RIMS1: variants seen among roughly 807,000 people sequenced by gnomAD.
RIMS1 encodes the protein regulating synaptic membrane exocytosis 1.
Under a neutral mutation model 214.1 loss-of-function variants are expected in RIMS1, and 83 were observed. That is an observed-to-expected ratio of 0.39 (90% CI 0.32 to 0.47). The LOEUF is 0.47. Ranked by LOEUF, RIMS1 falls within the 20% of genes least tolerant of loss-of-function variation. RIMS1 has a pLI of 0.99. For missense variants in RIMS1, 2,050 were observed against 2,161.8 expected (o/e 0.95, Z 1.03); for synonymous variants, 793 against 786.8 (o/e 1.01, Z -0.13).
At chr6:72,127,863 G>A (rs140254489) in intron 4 of RIMS1, among the ~76,000 whole-genome samples, 162 of 152,218 alleles carry the variant, frequency 1.1e-3, no homozygotes, top group Non-Finnish European at 1.2e-3. Context: ...TAAATCTTAC[G>A]CTTACATACA....
chr6:71,955,367 A>G (rs1405357011), intron 1 of RIMS1, among the ~76,000 whole-genome samples: 1 of 152,100 alleles, frequency 6.6e-6, no homozygotes, highest in Admixed American at 6.6e-5. Flanking sequence ...GGGTTTCACC[A>G]TCTTGGCCAG....
chr6:72,270,488 T>TAAA (rs1423899563), intron 22 of RIMS1, among the ~76,000 whole-genome samples: 1 of 152,134 alleles, frequency 6.6e-6, no homozygotes, highest in Non-Finnish European at 1.5e-5. Flanking sequence ...TTTAGGGGCT[T>TAAA]AAAAAACACC....
chr6:72,083,903 C>T (rs1834018526), intron 2 of RIMS1, among the ~76,000 whole-genome samples: 1 of 152,116 alleles, frequency 6.6e-6, no homozygotes, highest in South Asian at 2.1e-4. Flanking sequence ...CACACTTATG[C>T]CTGAACTATT....
chr6:72,399,288 A>G (rs2154458809), intron 33 of RIMS1, among the ~76,000 whole-genome samples, 194 bp downstream of exon 33: 1 of 151,982 alleles, frequency 6.6e-6, no homozygotes, highest in South Asian at 2.1e-4. Context: ...TGGGTCTAAT[A>G]GAGAACAATT....
At chr6:72,261,805 A>G (rs1056605860) in intron 19 of RIMS1, 2 of 985,132 alleles carry the variant, frequency 2.0e-6, no homozygotes, top group African/African-American at 3.5e-5. Flanking sequence ...TATACTACTC[A>G]TAACTACTGC....
intron 12 of RIMS1, among the ~76,000 whole-genome samples, chr6:72,248,539 T>C (rs1463966609): frequency 6.6e-6 from 1 of 152,190 alleles, no homozygotes; most frequent in African/African-American, 2.4e-5. Context: ...TCCTAAGGCA[T>C]TTGGCAAAAC....
rs144404882 is a variant in RIMS1, at chr6:72,102,943, A to T, written c.471+2957A>T. Reference sequence around the variant, plus strand: ...CATATGATCCTAATTTACAACCTTCAGTCTTTTGAAAAAGTGATTATAAGA... The same window carrying T: ...CATATGATCCTAATTTACAACCTTCTGTCTTTTGAAAAAGTGATTATAAGA... On this transcript the variant is annotated intron_variant, in intron 4 of 33. Transcript: ENST00000521978. 1.2e-3 allele frequency among the ~76,000 whole-genome samples: 178 copies of T among 152,220 alleles called. 1 individual carries two copies. The East Asian group carries it at 0.026, about 22-fold the overall frequency.
intron 2 of RIMS1, among the ~76,000 whole-genome samples, chr6:72,017,019 G>A (rs1017215424): frequency 2.6e-5 from 4 of 152,128 alleles, no homozygotes; most frequent in African/African-American, 9.7e-5. Flanking sequence ...GCTGAGTTCA[G>A]TCCATTAAAT....
intron 4 of RIMS1, among the ~76,000 whole-genome samples, chr6:72,103,497 C>A (rs2034083237): frequency 6.6e-6 from 1 of 151,932 alleles, no homozygotes; most frequent in Non-Finnish European, 1.5e-5. Context: ...TTTTTCAAAT[C>A]AGTATTAAAT....
At position 72,162,177 on chromosome 6, in the gene RIMS1, A is replaced by G. The variant is rs1429697030; in HGVS notation, c.472-17398A>G. Among the ~76,000 whole-genome samples, 3 of 140,232 alleles carry G rather than the reference A, an allele frequency of 2.1e-5. 1 individual carries two copies. The highest frequency in any genetic ancestry group is 4.9e-5 in the Non-Finnish European group (3 of 61,742). The allele number at this position is 140,232 out of a possible 152,430, so 92.0% of individuals were successfully genotyped here. ...TGTCTCTTTTGATCTTTGTTGGTGG[A>G]AAGTCTGTTTTATCAGAGACCAGGA... is the stretch of plus-strand genomic sequence containing the variant. On this transcript the variant is annotated intron_variant, in intron 4 of 33. Coordinates refer to ENST00000521978, the MANE Select transcript of RIMS1 (RefSeq NM_014989.7).
At chr6:72,221,961 A>G (rs951974835) in intron 6 of RIMS1, among the ~76,000 whole-genome samples, 6 of 152,178 alleles carry the variant, frequency 3.9e-5, no homozygotes, top group South Asian at 2.1e-4. Context: ...TCAGTCTTCA[A>G]TGTGCACATT....
intron 4 of RIMS1, among the ~76,000 whole-genome samples, chr6:72,124,207 G>T (rs148777838): frequency 1.5e-4 from 23 of 151,836 alleles, no homozygotes; most frequent in African/African-American, 5.1e-4. Flanking sequence ...GTCTGTAAAG[G>T]ATTTTATTTC....
At chr6:72,300,155 A>G (rs764255121) in intron 26 of RIMS1, among the ~76,000 whole-genome samples, 1 of 151,782 alleles carries the variant, frequency 6.6e-6, no homozygotes, top group Non-Finnish European at 1.5e-5. Flanking sequence ...CAGAGGGTTA[A>G]GCAGATTGAT....
At chr6:72,234,367 AAAGC>A (rs2063212792) in intron 7 of RIMS1, among the ~76,000 whole-genome samples, 1 of 152,154 alleles carries the variant, frequency 6.6e-6, no homozygotes, top group African/African-American at 2.4e-5. Context: ...TATAGGAAAG[AAAGC>A]AAGTTGTTTA....
At chr6:71,987,418 C>G (rs113339708) in intron 2 of RIMS1, among the ~76,000 whole-genome samples, 1 of 152,202 alleles carries the variant, frequency 6.6e-6, no homozygotes, top group African/African-American at 2.4e-5. Context: ...ATAGAAGAAG[C>G]AAACTCTCTT....
At chr6:72,230,952 T>C (rs1041246194) in intron 6 of RIMS1, among the ~76,000 whole-genome samples, 2 of 151,506 alleles carry the variant, frequency 1.3e-5, no homozygotes, top group Non-Finnish European at 3.0e-5. Context: ...TCCTAGGACG[T>C]TTTATTGACT....
intron 29 of RIMS1, among the ~76,000 whole-genome samples, chr6:72,339,302 C>T (rs1476434503): frequency 6.6e-6 from 1 of 151,636 alleles, no homozygotes; most frequent in Non-Finnish European, 1.5e-5. Flanking sequence ...TAAAATTATA[C>T]TTTAAGTTTT....
At chr6:71,893,801 T>C (rs1770731279) in intron 1 of RIMS1, among the ~76,000 whole-genome samples, 1 of 152,202 alleles carries the variant, frequency 6.6e-6, no homozygotes, top group South Asian at 2.1e-4. Context: ...TGTTGCAATA[T>C]TGTGAAAACT....
chr6:71,961,956 A>C (rs1309097439), intron 1 of RIMS1, among the ~76,000 whole-genome samples: 1 of 152,152 alleles, frequency 6.6e-6, no homozygotes, highest in East Asian at 1.9e-4. Flanking sequence ...TAAATCCATA[A>C]GTAAGTAAAG....
Sources: allele counts gnomAD v4.1 joint callset (sites outside exome capture counted in the v4.1 genomes callset), GRCh38; gene constraint gnomAD v4.1.1; transcripts MANE v1.5; gene names NCBI Gene and HGNC (gene_info 2026-07-23, HGNC 2026-07-21).